The following AMBRA1 variants were observed in gnomAD, a reference collection of about 807,000 sequenced individuals.
The protein encoded by AMBRA1 is autophagy and beclin 1 regulator 1, also known as activating molecule in BECN1-regulated autophagy protein 1.
AMBRA1 carries 47 observed loss-of-function variants against 125.4 expected under a neutral mutation model. The observed-to-expected ratio is 0.37, with a 90% confidence interval of 0.30 to 0.48. The LOEUF (loss-of-function observed/expected upper bound fraction) is 0.48, where lower values mean the gene tolerates loss of function less well. Among genes scored for constraint, AMBRA1 ranks in the 20% least tolerant of loss-of-function variants. AMBRA1 has a pLI of 0.99. For synonymous variants in AMBRA1, 626 were observed against 655.5 expected, an observed-to-expected ratio of 0.95 and a Z score of 0.69; for missense variants, 1,331 against 1,693.4, an observed-to-expected ratio of 0.79 and a Z score of 3.76.
At chr11:46,509,213 G>A (rs536116222) in intron 8 of AMBRA1, among the ~76,000 whole-genome samples, 5 of 152,126 alleles carry the variant, frequency 3.3e-5, no homozygotes, top group East Asian at 1.9e-4. Flanking sequence ...TTCAAACTAC[G>A]GCTTTAATAT....
intron 16 of AMBRA1, among the ~76,000 whole-genome samples, chr11:46,409,422 T>C (rs1168574855): frequency 6.6e-6 from 1 of 152,112 alleles, no homozygotes; most frequent in Non-Finnish European, 1.5e-5. Context: ...ATGGTCTCCA[T>C]CTCCTGACCT....
chr11:46,561,226 C>T (rs2043326911), intron 1 of AMBRA1, among the ~76,000 whole-genome samples: 1 of 151,886 alleles, frequency 6.6e-6, no homozygotes, highest in African/African-American at 2.4e-5. Context: ...ACTAAAAATA[C>T]AAAAATTAGC....
Position 46,397,379 on chromosome 11 carries a change from G to C in AMBRA1, c.*71C>G, listed in dbSNP as rs1274302370. 2.9e-5 allele frequency: 42 copies of C among 1,438,534 alleles called. No individual in the cohort carries two copies. Among genetic ancestry groups the C allele is most frequent in the African/African-American group, 4.3e-5 (3 of 70,236 alleles). The allele number at this position is 1,438,534 out of a possible 1,614,324, so 89.1% of individuals were successfully genotyped here. ...AGCCAGCAGCTCTTCCACATGTCCAGTTCCCAGTCAGCTGTGAGGTCCGGT... is the reference window on the plus strand; with the variant it reads ...AGCCAGCAGCTCTTCCACATGTCCACTTCCCAGTCAGCTGTGAGGTCCGGT... On this transcript the variant is annotated 3_prime_UTR_variant, in exon 18 of 18. Coordinates refer to ENST00000683756, the MANE Select transcript of AMBRA1 (RefSeq NM_001387011.1).
rs983253570 is a variant in AMBRA1, at chr11:46,567,261, G to A, written c.-120-18761C>T. Among the ~76,000 whole-genome samples the A allele has an allele frequency of 5.9e-5, 9 of 152,110 alleles. No individual in the cohort carries two copies. In the South Asian group the frequency reaches 8.3e-4, roughly 14 times the overall value. ...TAATTTTTGTATTTTTAGTAGAAAC[G>A]TGGTTTCACCATTTTGGCCAGACTG... On this transcript the variant is annotated intron_variant, in intron 1 of 17. Transcript: ENST00000683756.
chr11:46,519,466 C>A (rs747321994), intron 7 of AMBRA1, among the ~76,000 whole-genome samples: 1 of 152,180 alleles, frequency 6.6e-6, no homozygotes, highest in Non-Finnish European at 1.5e-5. Context: ...GTTGTCAGAT[C>A]ACAGAGAAAA....
At chr11:46,562,055 T>C (rs1232530039) in intron 1 of AMBRA1, among the ~76,000 whole-genome samples, 1 of 152,180 alleles carries the variant, frequency 6.6e-6, no homozygotes, top group Non-Finnish European at 1.5e-5. Context: ...TATAATTAAA[T>C]ATTAACAATA....
At chr11:46,476,303 C>T (rs571571094) in intron 11 of AMBRA1, among the ~76,000 whole-genome samples, 1 of 152,104 alleles carries the variant, frequency 6.6e-6, no homozygotes, top group African/African-American at 2.4e-5. Flanking sequence ...GGCAGGTGAA[C>T]GAGTAGGGTG....
intron 11 of AMBRA1, among the ~76,000 whole-genome samples, chr11:46,490,400 T>C (rs1028198908): frequency 6.6e-6 from 1 of 152,128 alleles, no homozygotes; most frequent in Admixed American, 6.5e-5. Context: ...ACTTTTCTCT[T>C]TATTTTTTAA....
intron 7 of AMBRA1, among the ~76,000 whole-genome samples, chr11:46,526,318 AC>A (rs1015264932): frequency 1.2e-4 from 19 of 152,082 alleles, no homozygotes; most frequent in African/African-American, 4.6e-4. Flanking sequence ...TGGTATTCTC[AC>A]CCTTGTGTGG....
rs537918481 is a variant in AMBRA1, at chr11:46,404,382, G to A, written c.3403+4131C>T. ...CTGCATGGGGAAATCTGGGCTCAAA[G>A]AGAGCCCTGATCCCTGGGCTCCCCT... On this transcript the variant is annotated intron_variant, in intron 17 of 17. Transcript: ENST00000683756. Among the ~76,000 whole-genome samples, 85 of 152,236 alleles carry A rather than the reference G, an allele frequency of 5.6e-4. 1 individual carries two copies. Among genetic ancestry groups the A allele is most frequent in the Non-Finnish European group, 1.3e-4 (9 of 68,008 alleles).
chr11:46,530,781 T>C (rs562904350), intron 7 of AMBRA1, among the ~76,000 whole-genome samples: 11 of 152,340 alleles, frequency 7.2e-5, no homozygotes, highest in African/African-American at 1.9e-4. Context: ...TTTTAAATGA[T>C]TGAAAAACAT....
At chr11:46,465,895 C>T (rs2136856670) in intron 11 of AMBRA1, among the ~76,000 whole-genome samples, 1 of 152,288 alleles carries the variant, frequency 6.6e-6, no homozygotes, top group South Asian at 2.1e-4. Context: ...CTGTGCCAAC[C>T]AGCGACAGTA....
chr11:46,559,567 T>G lies in AMBRA1; in HGVS notation c.-120-11067A>C, dbSNP rs187170163. 6.6e-5 allele frequency among the ~76,000 whole-genome samples: 10 copies of G among 152,316 alleles called. No individual in the cohort carries two copies. In the East Asian group the frequency reaches 1.9e-3, roughly 29 times the overall value. Reference sequence around the variant, plus strand: ...AGTACAGAGACAGTGGATATTCTGATAGCAGAGATGAGAATATGGGATATT... The same window carrying G: ...AGTACAGAGACAGTGGATATTCTGAGAGCAGAGATGAGAATATGGGATATT... On this transcript the variant is annotated intron_variant, in intron 1 of 17. Transcript: ENST00000683756.
In AMBRA1 at chr11:46,397,416, G is replaced by A. The variant is rs771857689; in HGVS notation, c.*34C>T. ...CTGTGAGGTCCGGTTTCTGCTTGGCGGTTCGAGGGGAGGCACCAGTGCAAC... is the reference window on the plus strand; with the variant it reads ...CTGTGAGGTCCGGTTTCTGCTTGGCAGTTCGAGGGGAGGCACCAGTGCAAC... On this transcript the variant is annotated 3_prime_UTR_variant, in exon 18 of 18. Coordinates refer to ENST00000683756, the MANE Select transcript of AMBRA1 (RefSeq NM_001387011.1). 2.0e-5 allele frequency: 30 copies of A among 1,466,538 alleles called. No individual in the cohort carries two copies. In the African/African-American group the frequency reaches 2.3e-4, roughly 11 times the overall value. 90.8% of individuals were successfully genotyped at this position (1,466,538 alleles called of 1,614,324 possible).
chr11:46,536,124 CA>C (rs1438687117), intron 7 of AMBRA1, among the ~76,000 whole-genome samples: 1 of 152,072 alleles, frequency 6.6e-6, no homozygotes, highest in African/African-American at 2.4e-5. Context: ...CTAAAAAGGC[CA>C]AACAGGACTT....
chr11:46,447,405 T>G (rs1340223667), intron 11 of AMBRA1, among the ~76,000 whole-genome samples: 3 of 152,132 alleles, frequency 2.0e-5, no homozygotes, highest in Non-Finnish European at 4.4e-5. Flanking sequence ...CATAGTGGTG[T>G]GTGCCTGTAG....
intron 5 of AMBRA1, 22 bp from the exon 6 acceptor site, chr11:46,544,063 A>ACAAAGAC (rs774264137): frequency 8.8e-6 from 14 of 1,583,840 alleles, no homozygotes; most frequent in South Asian, 2.2e-5. Context: ...GAAGAAAGAG[A>ACAAAGAC]CAAAGACACA....
chr11:46,559,747 A>G (rs1367922435), intron 1 of AMBRA1, among the ~76,000 whole-genome samples: 1 of 152,240 alleles, frequency 6.6e-6, no homozygotes, highest in Non-Finnish European at 1.5e-5. Flanking sequence ...AAGAGGTAAG[A>G]AGCTTTAATA....
At chr11:46,439,245 G>C (rs1330687011) in intron 12 of AMBRA1, among the ~76,000 whole-genome samples, 3 of 152,198 alleles carry the variant, frequency 2.0e-5, no homozygotes, top group Non-Finnish European at 4.4e-5. Context: ...CTGTACTCCA[G>C]CCTGGGCAAC....
Sources: gnomAD v4.1 joint callset for allele counts (sites outside exome capture counted in the v4.1 genomes callset) on GRCh38, gnomAD v4.1.1 for gene constraint, MANE v1.5 for transcripts, NCBI Gene and HGNC (gene_info 2026-07-23, HGNC 2026-07-21) for gene names.